FAH: variants seen among roughly 807,000 people sequenced by gnomAD.
The protein encoded by FAH is fumarylacetoacetate hydrolase, also known as fumarylacetoacetase.
In FAH, 47 loss-of-function variants were observed where a neutral mutation model predicts 55.8. The ratio of observed to expected loss-of-function variants is 0.84; its 90% CI spans 0.67 to 1.07. The LOEUF (loss-of-function observed/expected upper bound fraction) is 1.07. FAH is among the 50% of genes least tolerant of loss of function. The pLI, the probability that FAH is intolerant of heterozygous loss-of-function variation, is 0.00. For missense variants in FAH, 495 were observed against 545.9 expected (o/e 0.91, Z 0.93); for synonymous variants, 199 against 207.7 (o/e 0.96, Z 0.36).
chr15:80,186,773 C>A (rs2041374778), downstream of FAH: 1 of 192,396 alleles, frequency 5.2e-6, no homozygotes, highest in Non-Finnish European at 1.1e-5. Flanking sequence ...TGGTGAAGGC[C>A]ATCAACTGAT....
At chr15:80,162,682 A>G in intron 5 of FAH, 1 of 371,400 alleles carries the variant, frequency 2.7e-6, no homozygotes, top group Non-Finnish European at 5.2e-6. Context: ...CCATACTTAC[A>G]TTTTCTGATG....
At chr15:80,163,817 A>G (rs181226334) in intron 5 of FAH, 1 of 152,358 alleles carries the variant, frequency 6.6e-6, no homozygotes, top group East Asian at 1.9e-4. Flanking sequence ...AAGAGCAAGG[A>G]TGTTAATTAG....
At position 80,175,201 on chromosome 15, in the gene FAH, C is replaced by A; in HGVS notation, c.913+110C>A. ...GCAAGGGTGAGGGCACGTGCTACAG[C>A]CCTGGAGATGTGTGTGGCTCGTCTA... On this transcript the variant is annotated intron_variant, in intron 10 of 13. Coordinates refer to ENST00000561421, the MANE Select transcript of FAH (RefSeq NM_000137.4). 2.1e-5 allele frequency: 20 copies of A among 958,000 alleles called. 1 individual carries two copies. The South Asian group carries it at 2.6e-4, about 13-fold the overall frequency. The allele number at this position is 958,000 out of a possible 1,614,324, so 59.3% of individuals were successfully genotyped here. A position where few individuals can be genotyped will look rare whatever the true frequency, so the allele number is the denominator to read the frequency against.
rs117180959 is a variant in FAH at position 80,179,518 on chromosome 15, G to A, written c.961-606G>A. On this transcript the variant is annotated intron_variant, in intron 11 of 13. Coordinates refer to ENST00000561421, the MANE Select transcript of FAH (RefSeq NM_000137.4). The stretch of plus-strand genomic sequence containing the variant: ...GCTGTGGCCTGGGACAGGCATGGGC[G>A]TGCATTGCATCTGAGCGTCTCGGTG... Among the ~76,000 whole-genome samples the A allele has an allele frequency of 6.3e-3, 964 of 152,252 alleles. 6 individuals are homozygous for A. Among genetic ancestry groups the A allele is most frequent in the Non-Finnish European group, 9.3e-3 (630 of 68,014 alleles).
rs776351846 is a variant in FAH, at chr15:80,160,457, T to A, written c.362T>A (p.Ile121Lys). The A allele has an allele frequency of 1.9e-6, 3 of 1,614,006 alleles. No homozygotes were observed. Among genetic ancestry groups the A allele is most frequent in the Non-Finnish European group, 2.5e-6 (3 of 1,179,944 alleles). ...GCCACGATGCACCTTCCAGCCACCA[T>A]AGGTGAGTGCAGTCTCTTCACCAAG... Reference protein sequence around the residue: ...ASATMHLPATIGDYTDFYSSR... With the variant: ...ASATMHLPATKGDYTDFYSSR... The change falls in exon 4 of 14, where the codon ATA becomes AAA. Residue 121 changes from isoleucine to lysine, a missense_variant and splice_region_variant. By Grantham distance (102) the Ile-to-Lys change is moderately radical. Coordinates refer to ENST00000561421, the MANE Select transcript of FAH (RefSeq NM_000137.4).
At chr15:80,172,082 C>G in intron 7 of FAH, 67 bp from the exon 8 acceptor site, 1 of 1,160,418 alleles carries the variant, frequency 8.6e-7, no homozygotes, top group Non-Finnish European at 1.3e-6. Flanking sequence ...GACCTTTGCT[C>G]TCTAGGTGAC....
At position 80,186,214 on chromosome 15, in the gene FAH, T is replaced by G; in HGVS notation, c.*5T>G. Reference sequence around the variant, plus strand: ...CCTGCTCTCCTGCCATCATGAGATTTTCTCTGCTCTTCTGGAAACAAAGGG... The same window carrying G: ...CCTGCTCTCCTGCCATCATGAGATTGTCTCTGCTCTTCTGGAAACAAAGGG... On this transcript the variant is annotated 3_prime_UTR_variant, in exon 14 of 14. Transcript: ENST00000561421. The G allele has an allele frequency of 6.2e-7, 1 of 1,612,144 alleles. No homozygotes were observed. The highest frequency in any genetic ancestry group is 8.5e-7 in the Non-Finnish European group (1 of 1,178,174).
chr15:80,173,044 C>G lies in FAH; in HGVS notation c.737C>G (p.Pro246Arg). The change falls in exon 9 of 14, where the codon CCT becomes CGT. Residue 246 changes from proline (P) to arginine (R), a missense_variant. By Grantham distance (103) the Pro-to-Arg change is moderately radical. Transcript: ENST00000561421. ...GACATTCAGAAGTGGGAGTATGTCC[C>G]TCTCGGGCCATTCCTTGGGAAGAGT... ...ARDIQKWEYV[P>R]LGPFLGKSFG... 1 of 1,614,254 alleles carries G rather than the reference C, an allele frequency of 6.2e-7. No individual in the cohort carries two copies. Among genetic ancestry groups the G allele is most frequent in the South Asian group, 1.1e-5 (1 of 91,086 alleles).
rs138757552 is a variant in FAH, at chr15:80,173,054, A to C, written c.747A>C (p.Pro249=). 1.2e-6 allele frequency: 2 copies of C among 1,614,110 alleles called. No homozygotes were observed. The highest frequency in any genetic ancestry group is 2.7e-5 in the African/African-American group (2 of 74,936). ...AGTGGGAGTATGTCCCTCTCGGGCC[A>C]TTCCTTGGGAAGAGTTTTGGGACCA... ...IQKWEYVPLG[P]FLGKSFGTTV... is the part of the protein sequence containing the mutation. The change falls in exon 9 of 14, where the codon CCA becomes CCC. Residue 249 remains proline (P), a synonymous_variant. Transcript: ENST00000561421.
At chr15:80,173,566 C>A (rs983577586) in intron 9 of FAH, 80 of 348,910 alleles carry the variant, frequency 2.3e-4, no homozygotes, top group Non-Finnish European at 4.0e-4. Context: ...GTCCCTGCAG[C>A]CTCTGGTTCC....
At chr15:80,160,878 G>A (rs1010619763) in intron 4 of FAH, among the ~76,000 whole-genome samples, 2 of 152,202 alleles carry the variant, frequency 1.3e-5, no homozygotes, top group African/African-American at 4.8e-5. Flanking sequence ...GGAAGTTGGA[G>A]CTGTTGAAAC....
At chr15:80,180,351 T>G in intron 12 of FAH, 126 bp downstream of exon 12, 2 of 733,922 alleles carry the variant, frequency 2.7e-6, no homozygotes, top group South Asian at 3.0e-5. Flanking sequence ...CTCACAACTC[T>G]GTCTTCCTCG....
intron 5 of FAH, chr15:80,166,013 A>C (rs1406833875): frequency 6.6e-6 from 1 of 152,262 alleles, no homozygotes; most frequent in Non-Finnish European, 1.5e-5. Context: ...TTGAGAATTC[A>C]AAAGGTACTT....
At chr15:80,165,540 A>G (rs1347722637) in intron 5 of FAH, among the ~76,000 whole-genome samples, 1 of 149,836 alleles carries the variant, frequency 6.7e-6, no homozygotes, top group African/African-American at 2.5e-5. Context: ...AAAAAAAAAA[A>G]AAAAATTAGC....
In FAH at chr15:80,159,864, G is replaced by T. The variant is rs11555097; in HGVS notation, c.301G>T (p.Glu101Ter). ...CCAAGCCAGGCTCAGAGATGACACC[G>T]AACTTCGGAAGTGGTGAGAAGCACG... Reference protein sequence around the residue: ...VSQARLRDDTELRKCAFISQA... With the variant: ...VSQARLRDDT Residue 101 changes from glutamate to a stop codon, truncating the protein, a stop_gained, in exon 3 of 14, where the codon GAA becomes TAA. Transcript: ENST00000561421. LOFTEE classifies it high-confidence loss of function. 6.2e-7 allele frequency: 1 copy of T among 1,614,222 alleles called. No homozygotes were observed. Among genetic ancestry groups the T allele is most frequent in the Non-Finnish European group, 8.5e-7 (1 of 1,180,038 alleles).
chr15:80,167,770 G>T (rs1425365856), intron 5 of FAH, among the ~76,000 whole-genome samples: 1 of 152,102 alleles, frequency 6.6e-6, no homozygotes, highest in East Asian at 1.9e-4. Flanking sequence ...GGCCTCATGT[G>T]ATCTGCCCAC....
intron 1 of FAH, among the ~76,000 whole-genome samples, chr15:80,153,349 T>C (rs1416678712): frequency 6.6e-6 from 1 of 152,162 alleles, no homozygotes; most frequent in African/African-American, 2.4e-5. Flanking sequence ...TTCAGCCTCA[T>C]TGTCCGCAGG....
Position 80,172,263 on chromosome 15 carries a change from T to A in FAH, c.706+15T>A. 3.9e-6 allele frequency: 6 copies of A among 1,541,838 alleles called. No homozygotes were observed. The highest frequency in any genetic ancestry group is 5.4e-6 in the Non-Finnish European group (6 of 1,113,982). ...CGACTGGAGTGGTAATTACTGGAGC[T>A]CTGCTCCTGTAGAGATGACGGGGAG... On this transcript the variant is annotated intron_variant, in intron 8 of 13. Transcript: ENST00000561421.
At chr15:80,178,358 T>C (rs1333557508) in intron 11 of FAH, among the ~76,000 whole-genome samples, 1 of 152,116 alleles carries the variant, frequency 6.6e-6, no homozygotes, top group Non-Finnish European at 1.5e-5. Flanking sequence ...CATCACTCCC[T>C]CCAGCAAAGG....
Sources: gnomAD v4.1 joint callset for allele counts (sites outside exome capture counted in the v4.1 genomes callset) on GRCh38, gnomAD v4.1.1 for gene constraint, MANE v1.5 for transcripts, NCBI Gene and HGNC (gene_info 2026-07-23, HGNC 2026-07-21) for gene names.